COA1: variants seen among roughly 807,000 people sequenced by gnomAD.
COA1 encodes cytochrome c oxidase assembly factor 1, also known as cytochrome c oxidase assembly factor 1 homolog.
In COA1, 13 loss-of-function variants were observed where a neutral mutation model predicts 16.0. The ratio of observed to expected loss-of-function variants is 0.81; its 90% CI spans 0.53 to 1.29. The LOEUF (loss-of-function observed/expected upper bound fraction) is 1.29, where lower values mean the gene tolerates loss of function less well. COA1 is among the 50% of genes most tolerant of loss of function. The probability of loss-of-function intolerance (pLI) is 0.00; values close to 1 mark genes in which losing one functional copy is unlikely to be tolerated. For synonymous variants in COA1, 65 were observed against 65.7 expected (o/e 0.99, Z 0.05); for missense variants, 179 against 177.0 (o/e 1.01, Z -0.06).
chr7:43,664,902 C>T (rs1342770954), intron 1 of COA1, among the ~76,000 whole-genome samples: 2 of 152,190 alleles, frequency 1.3e-5, no homozygotes, highest in South Asian at 2.1e-4. Context: ...CTTACATTTC[C>T]TTTATGTCTT....
downstream of COA1, among the ~76,000 whole-genome samples, chr7:43,638,224 AT>A (rs34750204): frequency 0.49 from 67,523 of 138,582 alleles, 17,026 homozygotes; most frequent in African/African-American, 0.73. Flanking sequence ...GTTTAAGCTC[AT>A]TTTTTTTTTT....
intron 6 of COA1, chr7:43,623,851 G>A (rs2084189558): frequency 1.3e-6 from 2 of 1,592,532 alleles, no homozygotes; most frequent in Non-Finnish European, 1.7e-6. Context: ...TGAGTCGGCT[G>A]TTGATTTCAT....
chr7:43,678,934 G>A (rs551931448), intron 1 of COA1, among the ~76,000 whole-genome samples: 1 of 152,274 alleles, frequency 6.6e-6, no homozygotes, highest in South Asian at 2.1e-4. Flanking sequence ...ATTACCATAT[G>A]ATCCACCAAT....
intron 1 of COA1, among the ~76,000 whole-genome samples, chr7:43,653,166 G>A (rs1026579078): frequency 1.5e-4 from 23 of 152,172 alleles, no homozygotes; most frequent in Non-Finnish European, 2.9e-4. Flanking sequence ...CAAAAAATTA[G>A]CCAGGCATAG....
chr7:43,690,326 A>G (rs1163000234), intron 1 of COA1, among the ~76,000 whole-genome samples: 1 of 152,186 alleles, frequency 6.6e-6, no homozygotes, highest in African/African-American at 2.4e-5. Context: ...TAACAGCACA[A>G]TTTGCAATTG....
At chr7:43,692,535 C>G (rs1490913038) in intron 1 of COA1, among the ~76,000 whole-genome samples, 1 of 151,616 alleles carries the variant, frequency 6.6e-6, no homozygotes, top group Admixed American at 6.6e-5. Flanking sequence ...AAAACAACAA[C>G]AACAACAAAA....
chr7:43,683,043 A>G (rs1304306813), intron 1 of COA1, among the ~76,000 whole-genome samples: 1 of 152,160 alleles, frequency 6.6e-6, no homozygotes, highest in East Asian at 1.9e-4. Flanking sequence ...TTTTTAGTAG[A>G]GATGGGGTTT....
At chr7:43,687,644 A>C (rs955425648) in intron 1 of COA1, among the ~76,000 whole-genome samples, 1 of 152,210 alleles carries the variant, frequency 6.6e-6, no homozygotes, top group Non-Finnish European at 1.5e-5. Flanking sequence ...CACATGATAA[A>C]AGTTATTCAA....
intron 1 of COA1, among the ~76,000 whole-genome samples, chr7:43,728,808 A>C (rs767941176): frequency 8.5e-5 from 13 of 152,330 alleles, no homozygotes; most frequent in Non-Finnish European, 1.5e-4. Context: ...TCAGGGGAAG[A>C]CCGGAGAAAC....
chr7:43,608,768 T>A (rs1279395351), exon 7 of COA1: 1 of 161,170 alleles, frequency 6.2e-6, no homozygotes, highest in African/African-American at 2.4e-5. Flanking sequence ...ATGGAATCAT[T>A]TCACTGGAAT....
chr7:43,693,869 T>A (rs540837193), intron 1 of COA1, among the ~76,000 whole-genome samples: 1 of 152,076 alleles, frequency 6.6e-6, no homozygotes, highest in African/African-American at 2.4e-5. Flanking sequence ...TATACACTTA[T>A]GACAGCTGAC....
At chr7:43,648,908 G>C (rs568226805) in intron 1 of COA1, 1 of 397,060 alleles carries the variant, frequency 2.5e-6, no homozygotes, top group Non-Finnish European at 4.6e-6. Flanking sequence ...CCAAAGAACC[G>C]GTGTGCACAA....
intron 1 of COA1, among the ~76,000 whole-genome samples, chr7:43,690,339 A>C (rs1053132148): frequency 8.5e-5 from 13 of 152,194 alleles, no homozygotes; most frequent in African/African-American, 3.1e-4. Context: ...TGCAATTGCA[A>C]AACTATGGAA....
chr7:43,707,732 C>T (rs904955885), intron 1 of COA1, among the ~76,000 whole-genome samples: 4 of 152,102 alleles, frequency 2.6e-5, no homozygotes, highest in African/African-American at 4.8e-5. Context: ...CAGTAGTCCA[C>T]GTTTGAAATG....
At chr7:43,671,347 A>G (rs950370587) in intron 1 of COA1, among the ~76,000 whole-genome samples, 42 of 134,182 alleles carry the variant, frequency 3.1e-4, no homozygotes, top group African/African-American at 9.4e-4. Flanking sequence ...ACAGAAACGG[A>G]AAAAAAAAAA....
At chr7:43,728,334 G>T (rs1047620408) in intron 1 of COA1, among the ~76,000 whole-genome samples, 1 of 137,144 alleles carries the variant, frequency 7.3e-6, no homozygotes, top group Admixed American at 7.3e-5. Context: ...TTTTTTAAAG[G>T]ACTGAAGACT....
intron 1 of COA1, among the ~76,000 whole-genome samples, chr7:43,679,136 G>A (rs144688840): frequency 1.1e-3 from 173 of 152,066 alleles, no homozygotes; most frequent in Non-Finnish European, 2.0e-3. Flanking sequence ...GCATGGTGGC[G>A]TGCGCCTGTA....
chr7:43,648,341 A>AG, intron 2 of COA1: 1 of 573,150 alleles, frequency 1.7e-6, no homozygotes, highest in Non-Finnish European at 3.1e-6. Context: ...AGAGCTCAAC[A>AG]GGGTGAGGCA....
At chr7:43,655,518 G>GTGTAATCCC (rs1442166582) in intron 1 of COA1, among the ~76,000 whole-genome samples, 1 of 152,132 alleles carries the variant, frequency 6.6e-6, no homozygotes, top group Admixed American at 6.5e-5. Context: ...GGGCATGGTG[G>GTGTAATCCC]TGTAATCCCT....
Sources: allele counts gnomAD v4.1 joint callset (sites outside exome capture counted in the v4.1 genomes callset), GRCh38; gene constraint gnomAD v4.1.1; transcripts MANE v1.5; gene names NCBI Gene and HGNC (gene_info 2026-07-23, HGNC 2026-07-21).